Variants in ATAD2B observed in about 807,000 individuals in gnomAD.
ATAD2B encodes the protein ATPase family AAA domain containing 2B, also known as ATPase family AAA domain-containing protein 2B.
ATAD2B carries 40 observed loss-of-function variants against 167.6 expected under a neutral mutation model. That is an observed-to-expected ratio of 0.24 (90% confidence interval 0.19 to 0.31). ATAD2B has a LOEUF of 0.31. Among genes scored for constraint, ATAD2B ranks in the 10% least tolerant of loss-of-function variants. The pLI is 1.00. For missense variants in ATAD2B, 1,242 were observed against 1,757.2 expected, an observed-to-expected ratio of 0.71 and a Z score of 5.24; for synonymous variants, 579 against 596.5, an observed-to-expected ratio of 0.97 and a Z score of 0.43.
the ATAD2B span, among the ~76,000 whole-genome samples, chr2:23,681,074 C>A: frequency 6.6e-6 from 1 of 152,224 alleles, no homozygotes; most frequent in East Asian, 1.9e-4. The surrounding 1 kb of genome is among the most constrained non-coding windows in gnomAD (Gnocchi z 4.2). Context: ...CCAGCGGGTC[C>A]TGGTGTCCCC....
rs1489005316 is a variant in ATAD2B at position 23,820,374 on chromosome 2, T to C, written c.2132-492A>G. On this transcript the variant is annotated intron_variant, in intron 16 of 27. Transcript: ENST00000238789. ...GTGTAGTTAAGATGGAGTCAGAAATTCCGTCAAAGCTAATCTTAAAAATAC... is the reference window on the plus strand; with the variant it reads ...GTGTAGTTAAGATGGAGTCAGAAATCCCGTCAAAGCTAATCTTAAAAATAC... Among the ~76,000 whole-genome samples, 4 of 152,108 alleles carry C rather than the reference T, an allele frequency of 2.6e-5. No homozygotes were observed. The South Asian group carries it at 6.2e-4, about 24-fold the overall frequency.
intron 19 of ATAD2B, among the ~76,000 whole-genome samples, chr2:23,789,698 T>C (rs1357187432): frequency 1.3e-5 from 2 of 152,206 alleles, no homozygotes; most frequent in Admixed American, 1.3e-4. Flanking sequence ...TCATTCAGTT[T>C]GTCATTTCTA....
intron 21 of ATAD2B, among the ~76,000 whole-genome samples, chr2:23,784,777 G>T (rs1244720390): frequency 1.3e-5 from 2 of 151,908 alleles, no homozygotes; most frequent in African/African-American, 4.8e-5. Context: ...ACACTATGGG[G>T]GGGGGGATGA....
chr2:23,806,732 G>A (rs537353195), intron 18 of ATAD2B, among the ~76,000 whole-genome samples: 6 of 152,294 alleles, frequency 3.9e-5, no homozygotes, highest in Admixed American at 6.5e-5. Context: ...AATGGTAGTA[G>A]TAATAAGCAC....
chr2:23,701,361 C>T, the ATAD2B span, among the ~76,000 whole-genome samples: 3 of 152,208 alleles, frequency 2.0e-5, no homozygotes, highest in Non-Finnish European at 4.4e-5. Flanking sequence ...ATACTCCATC[C>T]TGCAGACACA....
chr2:23,885,606 G>A, intron 5 of ATAD2B, 121 bp downstream of exon 5: 1 of 552,498 alleles, frequency 1.8e-6, no homozygotes, highest in East Asian at 3.3e-5. Context: ...AACTAAGTTG[G>A]AAATGAAGAC....
At position 23,884,017 on chromosome 2, in the gene ATAD2B, G is replaced by A. The variant is rs534795283; in HGVS notation, c.784+748C>T. On this transcript the variant is annotated intron_variant, in intron 6 of 27. Coordinates refer to ENST00000238789, the MANE Select transcript of ATAD2B (RefSeq NM_017552.4). ...AAATTAGCCAGACATGGTGGTGCAC[G>A]CCTGTAATACTAGGTACTCGAAAGG... 6.6e-4 allele frequency among the ~76,000 whole-genome samples: 101 copies of A among 152,166 alleles called. 1 individual carries two copies. The highest frequency in any genetic ancestry group is 2.3e-3 in the African/African-American group (96 of 41,532).
At chr2:23,919,018 G>C (rs1703484667) in intron 1 of ATAD2B, among the ~76,000 whole-genome samples, 1 of 152,066 alleles carries the variant, frequency 6.6e-6, no homozygotes, top group African/African-American at 2.4e-5. Context: ...TCCTTATTAG[G>C]GCAAAATGCA....
chr2:23,785,857 C>CACCAG, intron 21 of ATAD2B, 170 bp downstream of exon 21: 3 of 530,818 alleles, frequency 5.7e-6, no homozygotes, highest in Non-Finnish European at 9.5e-6. Flanking sequence ...ATCCAAAAGT[C>CACCAG]ACCAGATGTT....
At chr2:23,908,049 T>C (rs1403244483) in intron 1 of ATAD2B, among the ~76,000 whole-genome samples, 4 of 152,130 alleles carry the variant, frequency 2.6e-5, no homozygotes, top group Non-Finnish European at 4.4e-5. Context: ...GAAGAAAGCC[T>C]AGGCATTACC....
chr2:23,702,148 C>T, the ATAD2B span, among the ~76,000 whole-genome samples: 1 of 152,132 alleles, frequency 6.6e-6, no homozygotes, highest in African/African-American at 2.4e-5. Flanking sequence ...AACTACCCCC[C>T]ACTTCCAGCC....
chr2:23,870,646 A>T (rs970837364), intron 8 of ATAD2B, among the ~76,000 whole-genome samples: 2 of 130,478 alleles, frequency 1.5e-5, no homozygotes, highest in Non-Finnish European at 3.1e-5. Context: ...GATAAATAAC[A>T]TTAGAATCTC....
the ATAD2B span, among the ~76,000 whole-genome samples, chr2:23,717,706 G>T: frequency 6.6e-6 from 1 of 152,122 alleles, no homozygotes; most frequent in Non-Finnish European, 1.5e-5. Context: ...ACTTCGAAAG[G>T]AGAAGGCTAC....
chr2:23,904,239 G>C (rs936007557), intron 1 of ATAD2B, among the ~76,000 whole-genome samples: 2 of 152,156 alleles, frequency 1.3e-5, no homozygotes, highest in Non-Finnish European at 2.9e-5. Flanking sequence ...ATGGGGATAA[G>C]CACAAGAGAT....
At chr2:23,803,338 A>ACACGCGCG (rs756577548) in intron 18 of ATAD2B, among the ~76,000 whole-genome samples, 1 of 150,578 alleles carries the variant, frequency 6.6e-6, no homozygotes, top group Non-Finnish European at 1.5e-5. Context: ...ACACACACAC[A>ACACGCGCG]CGCGCACGCA....
chr2:23,901,825 T>C (rs1400992323), intron 1 of ATAD2B, among the ~76,000 whole-genome samples: 3 of 152,100 alleles, frequency 2.0e-5, no homozygotes, highest in African/African-American at 7.2e-5. Context: ...TCATGGAATA[T>C]CTGCAGGTAC....
At chr2:23,739,779 A>G in the ATAD2B span, among the ~76,000 whole-genome samples, 1 of 152,188 alleles carries the variant, frequency 6.6e-6, no homozygotes, top group African/African-American at 2.4e-5. Context: ...TTTTGAAAAG[A>G]TCAACAAAAT....
chr2:23,783,169 T>C, intron 21 of ATAD2B, 141 bp from the exon 22 acceptor site: 1 of 446,288 alleles, frequency 2.2e-6, no homozygotes, highest in South Asian at 4.3e-5. Flanking sequence ...ATTGCAGCGC[T>C]ATTTATGCTA....
intron 17 of ATAD2B, among the ~76,000 whole-genome samples, chr2:23,812,637 C>T (rs7605327): frequency 0.73 from 111,141 of 151,966 alleles, 40,829 homozygotes; most frequent in East Asian, 0.93. Context: ...CTGAGGCTGG[C>T]GGATCACAAG....
Sources: gnomAD v4.1 joint callset for allele counts (sites outside exome capture counted in the v4.1 genomes callset) on GRCh38, gnomAD v4.1.1 for gene constraint, Gnocchi (gnomAD v3.1) non-coding constraint, MANE v1.5 for transcripts, NCBI Gene and HGNC (gene_info 2026-07-23, HGNC 2026-07-21) for gene names.